The following HECTD4 variants were observed in gnomAD, a reference collection of about 807,000 sequenced individuals.
The protein encoded by HECTD4 is probable E3 ubiquitin-protein ligase HECTD4.
Under a neutral mutation model 471.5 loss-of-function variants are expected in HECTD4, and 114 were observed. The ratio of observed to expected loss-of-function variants is 0.24; its 90% CI spans 0.21 to 0.28. HECTD4 has a LOEUF of 0.28. HECTD4 is among the 10% of genes least tolerant of loss of function. The pLI, the probability that HECTD4 is intolerant of heterozygous loss-of-function variation, is 1.00. For missense variants in HECTD4, 3,866 were observed against 5,651.5 expected, an observed-to-expected ratio of 0.68 and a Z score of 10.13; for synonymous variants, 2,012 against 2,256.0, an observed-to-expected ratio of 0.89 and a Z score of 3.07.
In HECTD4 at chr12:112,274,909, C is replaced by A. The variant is rs2034495367; in HGVS notation, c.1739G>T (p.Arg580Leu). 2 of 1,550,256 alleles carry A rather than the reference C, an allele frequency of 1.3e-6. No individual in the cohort carries two copies. Among genetic ancestry groups the A allele is most frequent in the Admixed American group, 2.0e-5 (1 of 50,974 alleles). ...YNISDGQFTS[R>L]ADLIDAAGSS... Reference sequence around the variant, plus strand: ...TCCAGCAGCATCTATGAGATCTGCACGACTTGTAAACTGACCATCCGAAAT... The same window carrying A: ...TCCAGCAGCATCTATGAGATCTGCAAGACTTGTAAACTGACCATCCGAAAT... The change falls in exon 10 of 76, where the codon CGT (arginine) becomes CTT (leucine). Residue 580 changes from arginine (R) to leucine (L), a missense_variant. Arg to Leu is a moderately radical substitution (Grantham distance 102). Coordinates refer to ENST00000682272, the MANE Select transcript of HECTD4 (RefSeq NM_001388303.1).
chr12:112,298,340 CT>C (rs2035087096), intron 7 of HECTD4, among the ~76,000 whole-genome samples: 1 of 152,098 alleles, frequency 6.6e-6, no homozygotes, highest in African/African-American at 2.4e-5. Flanking sequence ...ATTCTGTCCC[CT>C]AGCCCCTTTT....
chr12:112,233,835 T>G (rs1489012713), intron 37 of HECTD4, among the ~76,000 whole-genome samples: 6 of 141,572 alleles, frequency 4.2e-5, no homozygotes, highest in Admixed American at 2.1e-4. Flanking sequence ...GCGCCTGGCC[T>G]ATTTTGTTTG....
At chr12:112,226,133 A>G (rs1482694081) in intron 44 of HECTD4, among the ~76,000 whole-genome samples, 1 of 152,172 alleles carries the variant, frequency 6.6e-6, no homozygotes, top group East Asian at 1.9e-4. Context: ...GAAACTGGAT[A>G]ATGGAATCCT....
At chr12:112,301,486 G>A (rs756193068) in intron 7 of HECTD4, among the ~76,000 whole-genome samples, 2 of 151,996 alleles carry the variant, frequency 1.3e-5, no homozygotes, top group African/African-American at 4.8e-5. Context: ...CCAGACCTCC[G>A]CCTGTATTAT....
chr12:112,319,150 G>T lies in HECTD4; in HGVS notation c.695+75C>A. Reference sequence around the variant, plus strand: ...GTTAAGACTTCTATCAAATATACTTGGCCTCTTCTTCATTCACCCAACCCA... The same window carrying T: ...GTTAAGACTTCTATCAAATATACTTTGCCTCTTCTTCATTCACCCAACCCA... On this transcript the variant is annotated intron_variant, in intron 2 of 75. Coordinates refer to ENST00000682272, the MANE Select transcript of HECTD4 (RefSeq NM_001388303.1). This position sits in a 1 kb window ranked among gnomAD's most constrained non-coding sequence, Gnocchi z 5.3. 1.5e-6 allele frequency: 2 copies of T among 1,350,016 alleles called. No individual in the cohort carries two copies. Among genetic ancestry groups the T allele is most frequent in the Non-Finnish European group, 2.0e-6 (2 of 993,852 alleles). 83.6% of individuals were successfully genotyped at this position (1,350,016 alleles called of 1,614,324 possible).
chr12:112,378,907 C>T (rs898411976), intron 1 of HECTD4, among the ~76,000 whole-genome samples: 3 of 151,948 alleles, frequency 2.0e-5, no homozygotes, highest in Non-Finnish European at 2.9e-5. Context: ...CTGGGTGTGG[C>T]GGCATGCGCC....
In HECTD4 at chr12:112,283,221, T is replaced by C. The variant is rs964612465; in HGVS notation, c.1417A>G (p.Ile473Val). 1 of 1,613,912 alleles carries C rather than the reference T, an allele frequency of 6.2e-7. No homozygotes were observed. Among genetic ancestry groups the C allele is most frequent in the Non-Finnish European group, 8.5e-7 (1 of 1,179,832 alleles). ...MRKEGESAKS[I>V]NEMLLSRLSR... ...AGTCTACTTAGAAGCATCTCATTAA[T>C]GCTTTTGGCAGATTCGCCCTCTTTT... The change falls in exon 8 of 76, where the codon ATT becomes GTT. Residue 473 changes from isoleucine (I) to valine (V), a missense_variant. This residue lies in a region of HECTD4 where 440 missense variants were observed against 636.0 expected (regional missense o/e 0.69). Transcript: ENST00000682272.
At chr12:112,315,973 G>A (rs2035470669) in intron 2 of HECTD4, among the ~76,000 whole-genome samples, 1 of 150,984 alleles carries the variant, frequency 6.6e-6, no homozygotes, top group Non-Finnish European at 1.5e-5. Flanking sequence ...CTGGCCTCAA[G>A]AGATGCTCCT....
chr12:112,184,694 G>A lies in HECTD4; in HGVS notation c.10272C>T (p.His3424=), dbSNP rs776051455. The A allele has an allele frequency of 5.0e-6, 8 of 1,607,622 alleles. No individual in the cohort carries two copies. The highest frequency in any genetic ancestry group is 1.4e-5 in the African/African-American group (1 of 72,832). The change falls in exon 61 of 76, where the codon CAC becomes CAT. Residue 3424 remains histidine, a synonymous_variant. Coordinates refer to ENST00000682272, the MANE Select transcript of HECTD4 (RefSeq NM_001388303.1). The surrounding 1 kb of genome is among the most constrained non-coding windows in gnomAD (Gnocchi z 9.1). ...RGAIRKACNA[H]GGVFKDEIYI... ...AGATCTCGTCTTTGAAGACCCCGCCGTGGGCGTTGCAGGCCTTGCGGATGG... is the reference window on the plus strand; with the variant it reads ...AGATCTCGTCTTTGAAGACCCCGCCATGGGCGTTGCAGGCCTTGCGGATGG...
In HECTD4 at chr12:112,231,628, T is replaced by C. The variant is rs555667987; in HGVS notation, c.6085A>G (p.Ile2029Val). 691 of 1,613,962 alleles carry C rather than the reference T, an allele frequency of 4.3e-4. 7 individuals are homozygous for C. The South Asian group carries it at 7.1e-3, about 17-fold the overall frequency. Residue 2029 changes from isoleucine to valine, a missense_variant, in exon 39 of 76, where the codon ATT becomes GTT. Physicochemically the swap from Ile to Val is conservative, Grantham distance 29. This residue lies in a region of HECTD4 where 617 missense variants were observed against 915.1 expected (regional missense o/e 0.67). Coordinates refer to ENST00000682272, the MANE Select transcript of HECTD4 (RefSeq NM_001388303.1). ...KWAQSGLIVS[I>V]GPPVESINPE... ...TTGATAGACTCTACAGGTGGCCCAA[T>C]GCTGACGATGAGGCCTGACTGTGCC...
At chr12:112,164,468 T>A (rs1173404848) in intron 72 of HECTD4, among the ~76,000 whole-genome samples, 193 bp from the exon 73 acceptor site, 5 of 152,144 alleles carry the variant, frequency 3.3e-5, no homozygotes, top group Non-Finnish European at 5.9e-5. Flanking sequence ...CAGGCCAGGC[T>A]AAAGAGACCC....
Position 112,382,360 on chromosome 12 carries a change from C to CGCCG in HECTD4, c.-233_-232insCGGC. 2 of 393,592 alleles carry CGCCG rather than the reference C, an allele frequency of 5.1e-6. No homozygotes were observed. The highest frequency in any genetic ancestry group is 4.5e-5 in the Admixed American group (1 of 22,078). 24.4% of individuals were successfully genotyped at this position (393,592 alleles called of 1,614,324 possible). ...CCGCCGCCGCCGCCGCCGCCGCCGC[C>CGCCG]CTCAGGAGCAGGATCCGCCTCTGCC... On this transcript the variant is annotated 5_prime_UTR_variant, in exon 1 of 76. Transcript: ENST00000682272.
rs996245660 is a variant in HECTD4, at chr12:112,300,845, T to C, written c.1335+5219A>G. Among the ~76,000 whole-genome samples, 8 of 152,108 alleles carry C rather than the reference T, an allele frequency of 5.3e-5. No individual in the cohort carries two copies. The South Asian group carries it at 1.7e-3, about 32-fold the overall frequency. ...GAACTTCTTGGCCCTACTAGCATTA[T>C]AGGCATGAACTACTGCACCCAGCCT... On this transcript the variant is annotated intron_variant, in intron 7 of 75. Coordinates refer to ENST00000682272, the MANE Select transcript of HECTD4 (RefSeq NM_001388303.1).
chr12:112,266,137 C>T (rs745844000), intron 14 of HECTD4, among the ~76,000 whole-genome samples, 154 bp from the exon 15 acceptor site: 48 of 152,220 alleles, frequency 3.2e-4, no homozygotes, highest in Non-Finnish European at 5.3e-4. Context: ...AACGACATCA[C>T]AACGAATCCG....
intron 52 of HECTD4, among the ~76,000 whole-genome samples, chr12:112,205,774 G>A (rs1329010060): frequency 1.3e-5 from 2 of 151,944 alleles, no homozygotes; most frequent in African/African-American, 4.8e-5. Flanking sequence ...TGTATTTTTA[G>A]TAGAGATGGG....
At chr12:112,253,610 G>A (rs2033945160) in intron 22 of HECTD4, among the ~76,000 whole-genome samples, 1 of 152,194 alleles carries the variant, frequency 6.6e-6, no homozygotes, top group Non-Finnish European at 1.5e-5. Context: ...ACAAAGCATG[G>A]CACTAATTTC....
rs997366519 is a variant in HECTD4 at position 112,188,771 on chromosome 12, T to C, written c.9472+2015A>G. On this transcript the variant is annotated intron_variant, in intron 60 of 75. Transcript: ENST00000682272. The surrounding 1 kb of genome is among the most constrained non-coding windows in gnomAD (Gnocchi z 4.2). Reference sequence around the variant, plus strand: ...TTGCGAATTCTGGTTGGAAACAAGTTTGTGACTGTCCTGGAACATGGGCTC... The same window carrying C: ...TTGCGAATTCTGGTTGGAAACAAGTCTGTGACTGTCCTGGAACATGGGCTC... Among the ~76,000 whole-genome samples the C allele has an allele frequency of 6.6e-6, 1 of 152,214 alleles. No homozygotes were observed. The highest frequency in any genetic ancestry group is 1.5e-5 in the Non-Finnish European group (1 of 68,034).
At chr12:112,324,563 C>G (rs897228747) in intron 1 of HECTD4, among the ~76,000 whole-genome samples, 4 of 152,046 alleles carry the variant, frequency 2.6e-5, no homozygotes, top group African/African-American at 4.8e-5. Context: ...TTTCAGATGG[C>G]AGCAGATAAA....
rs776908775 is a variant in HECTD4, at chr12:112,365,776, T to G, written c.177+16176A>C. ...GCTTCTTTGTGTTTTTTTTTTGTTT[T>G]TTTTTTTTTTTTTGAGACAGGGTCT... On this transcript the variant is annotated intron_variant, in intron 1 of 75. Transcript: ENST00000682272. Among the ~76,000 whole-genome samples, 668 of 147,316 alleles carry G rather than the reference T, an allele frequency of 4.5e-3. 1 individual carries two copies. Among genetic ancestry groups the G allele is most frequent in the Non-Finnish European group, 6.0e-3 (401 of 66,748 alleles).
Sources: gnomAD v4.1 joint callset for allele counts (sites outside exome capture counted in the v4.1 genomes callset) on GRCh38, gnomAD v4.1.1 for gene constraint, gnomAD v4.1.1 regional missense constraint, Gnocchi (gnomAD v3.1) non-coding constraint, MANE v1.5 for transcripts, NCBI Gene and HGNC (gene_info 2026-07-23, HGNC 2026-07-21) for gene names.